The following GATA4 variants were observed in gnomAD, a reference collection of about 807,000 sequenced individuals.
GATA4 encodes the protein GATA binding protein 4, also known as transcription factor GATA-4.
Under a neutral mutation model 37.9 loss-of-function variants are expected in GATA4, and 7 were observed. The observed-to-expected ratio is 0.18, with a 90% CI of 0.11 to 0.35. The LOEUF is 0.35. Ranked by LOEUF, GATA4 falls within the 10% of genes least tolerant of loss-of-function variation. The pLI, the probability that GATA4 is intolerant of heterozygous loss-of-function variation, is 1.00. For synonymous variants in GATA4, 372 were observed against 292.6 expected, an observed-to-expected ratio of 1.27 and a Z score of -2.77; for missense variants, 647 against 653.0, an observed-to-expected ratio of 0.99 and a Z score of 0.10.
intron 1 of GATA4, among the ~76,000 whole-genome samples, chr8:11,693,522 AACAC>A (rs140439542): frequency 0.016 from 1,757 of 109,878 alleles, 33 homozygotes; most frequent in South Asian, 0.023. Context: ...ATTCAGCACA[AACAC>A]ACACACACAC....
In GATA4 at chr8:11,710,160, G is replaced by C. The variant is rs199716278; in HGVS notation, c.616+1232G>C. Among the ~76,000 whole-genome samples, 46 of 152,242 alleles carry C rather than the reference G, an allele frequency of 3.0e-4. No homozygotes were observed. The East Asian group carries it at 5.8e-3, about 19-fold the overall frequency. ...CCCTGGGTGGCCAGGGAAGGTTCCC[G>C]GGGGTGCAGCCAAATACACATCGCC... On this transcript the variant is annotated intron_variant, in intron 2 of 6. Transcript: ENST00000532059.
At chr8:11,733,513 G>A (rs1044437702) in intron 2 of GATA4, among the ~76,000 whole-genome samples, 2 of 152,306 alleles carry the variant, frequency 1.3e-5, no homozygotes, top group African/African-American at 4.8e-5. Context: ...GGAATGGGGA[G>A]GCTGTGGCAT....
At chr8:11,694,310 G>A in intron 1 of GATA4, 1 of 157,446 alleles carries the variant, frequency 6.4e-6, no homozygotes, top group Non-Finnish European at 1.4e-5. Context: ...CAGATCAGGT[G>A]TCCAATCTCA....
At chr8:11,680,400 C>T in intron 1 of GATA4, 1 of 863,296 alleles carries the variant, frequency 1.2e-6, no homozygotes, top group Non-Finnish European at 1.4e-6. Flanking sequence ...GCCACTTTCC[C>T]GCCCTCGGCC....
upstream of GATA4, among the ~76,000 whole-genome samples, chr8:11,689,470 A>G (rs1329108710): frequency 2.6e-5 from 4 of 152,194 alleles, no homozygotes; most frequent in African/African-American, 9.7e-5. Flanking sequence ...AATCAGAACA[A>G]GGACCCACCC....
At chr8:11,727,128 G>A (rs1236410533) in intron 2 of GATA4, among the ~76,000 whole-genome samples, 2 of 152,216 alleles carry the variant, frequency 1.3e-5, no homozygotes, top group African/African-American at 4.8e-5. Context: ...GTTTAAAGGC[G>A]TTTAAAGGCG....
At chr8:11,722,991 A>C (rs1399813236) in intron 2 of GATA4, among the ~76,000 whole-genome samples, 1 of 152,226 alleles carries the variant, frequency 6.6e-6, no homozygotes, top group Non-Finnish European at 1.5e-5. Flanking sequence ...AGAACAAATT[A>C]GTTCTCTAGC....
chr8:11,757,381 A>C (rs1802645141), intron 6 of GATA4, among the ~76,000 whole-genome samples: 2 of 152,242 alleles, frequency 1.3e-5, no homozygotes, highest in South Asian at 4.1e-4. Flanking sequence ...TTGGAAACAA[A>C]GAGAGGGGAG....
chr8:11,713,811 A>C (rs962593261), intron 2 of GATA4, among the ~76,000 whole-genome samples: 1 of 152,178 alleles, frequency 6.6e-6, no homozygotes, highest in Admixed American at 6.5e-5. Flanking sequence ...CTTGTGGTGG[A>C]GCTCTGCGGA....
intron 1 of GATA4, among the ~76,000 whole-genome samples, chr8:11,695,535 G>A (rs1286691850): frequency 6.6e-6 from 1 of 152,124 alleles, no homozygotes; most frequent in East Asian, 1.9e-4. Flanking sequence ...ACAGTCCTAC[G>A]CTCAAGGGGC....
In GATA4 at chr8:11,745,313, C is replaced by T. The variant is rs561467985; in HGVS notation, c.617-3603C>T. Among the ~76,000 whole-genome samples, 7 of 150,892 alleles carry T rather than the reference C, an allele frequency of 4.6e-5. 1 individual carries two copies. The highest frequency in any genetic ancestry group is 1.7e-4 in the African/African-American group (7 of 40,688). ...TCTGGGGTGGACATGGTGGCTCACG[C>T]CCATAATCCCAGAACTTTGGAAGGC... On this transcript the variant is annotated intron_variant, in intron 2 of 6. Transcript: ENST00000532059.
intron 1 of GATA4, among the ~76,000 whole-genome samples, chr8:11,696,468 G>C (rs1799512199): frequency 2.0e-5 from 3 of 152,050 alleles, no homozygotes; most frequent in Non-Finnish European, 4.4e-5. Flanking sequence ...TTACTGAGTA[G>C]TATTCCATTG....
chr8:11,741,909 G>A lies in GATA4; in HGVS notation c.617-7007G>A, dbSNP rs148904732. 1.8e-3 allele frequency among the ~76,000 whole-genome samples: 273 copies of A among 152,302 alleles called. 1 individual carries two copies. Among genetic ancestry groups the A allele is most frequent in the East Asian group, 0.011 (55 of 5,188 alleles). On this transcript the variant is annotated intron_variant, in intron 2 of 6. Transcript: ENST00000532059. Reference sequence around the variant, plus strand: ...CTTTTGCCGCTGGGGAAGGGGTCAGGGATGGCCAAGGCATCTGTGGGCAGC... The same window carrying A: ...CTTTTGCCGCTGGGGAAGGGGTCAGAGATGGCCAAGGCATCTGTGGGCAGC...
chr8:11,758,613 G>C lies in GATA4; in HGVS notation c.*138G>C, dbSNP rs3729857. The C allele has an allele frequency of 8.9e-3, 7,476 of 842,000 alleles. 364 individuals carry two copies. In the African/African-American group the frequency reaches 0.11, roughly 12 times the overall value. 52.2% of individuals were successfully genotyped at this position (842,000 alleles called of 1,614,324 possible). ...AACAACAACTGGGAAGAAACTTGAA[G>C]TCGACAATCTGGTTAGGGGAAGCGG... is the stretch of plus-strand genomic sequence containing the variant. On this transcript the variant is annotated 3_prime_UTR_variant, in exon 7 of 7. Coordinates refer to ENST00000532059, the MANE Select transcript of GATA4 (RefSeq NM_001308093.3).
At chr8:11,680,558 G>T (rs923443875) in intron 1 of GATA4, 28 of 985,248 alleles carry the variant, frequency 2.8e-5, no homozygotes, top group Non-Finnish European at 2.9e-5. Context: ...GTGGTCGCAC[G>T]CTGGTGGGCC....
At chr8:11,712,579 A>T (rs1415300419) in intron 2 of GATA4, among the ~76,000 whole-genome samples, 2 of 151,938 alleles carry the variant, frequency 1.3e-5, no homozygotes, top group Non-Finnish European at 2.9e-5. Context: ...AAAAGAGGCC[A>T]GGTGCAGTGG....
At chr8:11,688,534 A>T (rs56141743), upstream of GATA4, among the ~76,000 whole-genome samples, 34,963 of 149,256 alleles carry the variant, frequency 0.23, 4,693 homozygotes, top group East Asian at 0.68. Flanking sequence ...GCACACACAC[A>T]CACACACACA....
At chr8:11,721,405 G>A (rs1051827023) in intron 2 of GATA4, among the ~76,000 whole-genome samples, 1 of 150,416 alleles carries the variant, frequency 6.6e-6, no homozygotes, top group Non-Finnish European at 1.5e-5. Flanking sequence ...AGGTGAGCAG[G>A]ATTCGAGCAG....
At chr8:11,701,691 G>T (rs971511883), upstream of GATA4, among the ~76,000 whole-genome samples, 7 of 152,202 alleles carry the variant, frequency 4.6e-5, no homozygotes, top group African/African-American at 1.7e-4. Flanking sequence ...GAGGCCTTGG[G>T]GAGAAAGTTG....
Sources: gnomAD v4.1 joint callset for allele counts (sites outside exome capture counted in the v4.1 genomes callset) on GRCh38, gnomAD v4.1.1 for gene constraint, MANE v1.5 for transcripts, NCBI Gene and HGNC (gene_info 2026-07-23, HGNC 2026-07-21) for gene names.